The following ARHGAP29 variants were observed in gnomAD, a reference collection of about 807,000 sequenced individuals.
ARHGAP29 encodes the protein Rho GTPase activating protein 29.
In ARHGAP29, 43 loss-of-function variants were observed where a neutral mutation model predicts 122.6. That is an observed-to-expected ratio of 0.35 (90% CI 0.27 to 0.45). ARHGAP29 has a LOEUF of 0.45. Ranked by LOEUF, ARHGAP29 falls within the 20% of genes least tolerant of loss-of-function variation. ARHGAP29 has a pLI of 1.00. For synonymous variants in ARHGAP29, 506 were observed against 497.1 expected (o/e 1.02, Z -0.24); for missense variants, 1,303 against 1,477.2 (o/e 0.88, Z 1.93).
the ARHGAP29 span, among the ~76,000 whole-genome samples, chr1:94,286,317 T>C: frequency 4.6e-5 from 7 of 152,176 alleles, no homozygotes; most frequent in African/African-American, 7.2e-5. Flanking sequence ...CTTCAACATA[T>C]GAATTTGGGA....
chr1:94,237,917 C>G (rs957846691), upstream of ARHGAP29, among the ~76,000 whole-genome samples: 3 of 152,112 alleles, frequency 2.0e-5, no homozygotes, highest in African/African-American at 7.2e-5. Flanking sequence ...CGCCTTTTTC[C>G]TCCCTCTTCC....
intron 3 of ARHGAP29, among the ~76,000 whole-genome samples, chr1:94,216,388 T>C (rs901579378): frequency 6.6e-6 from 1 of 152,164 alleles, no homozygotes; most frequent in African/African-American, 2.4e-5. Context: ...CGCTACCATC[T>C]GTGCAAAAAG....
intron 21 of ARHGAP29, 60 bp from the exon 22 acceptor site, chr1:94,177,780 G>C: frequency 6.4e-7 from 1 of 1,558,520 alleles, no homozygotes; most frequent in Non-Finnish European, 8.7e-7. Flanking sequence ...AAAATAAACA[G>C]TTCAAAGATC....
chr1:94,226,557 T>C (rs1652624486), intron 2 of ARHGAP29, among the ~76,000 whole-genome samples: 1 of 151,922 alleles, frequency 6.6e-6, no homozygotes, highest in African/African-American at 2.4e-5. Flanking sequence ...TTGAAGAAAT[T>C]AAGCTTAATG....
chr1:94,196,078 T>A (rs1264656769), intron 12 of ARHGAP29: 1 of 152,054 alleles, frequency 6.6e-6, no homozygotes, highest in Non-Finnish European at 1.5e-5. Flanking sequence ...GTAGCAAAGG[T>A]AAATCATCAA....
At chr1:94,176,078 T>C (rs1013884604) in intron 22 of ARHGAP29, among the ~76,000 whole-genome samples, 1 of 152,092 alleles carries the variant, frequency 6.6e-6, no homozygotes, top group African/African-American at 2.4e-5. Context: ...TTCCTTGCAA[T>C]TGGACTCTAG....
At chr1:94,194,817 T>C (rs1650349954) in intron 12 of ARHGAP29, 1 of 152,226 alleles carries the variant, frequency 6.6e-6, no homozygotes, top group African/African-American at 2.4e-5. Flanking sequence ...GAATTTACAA[T>C]GCTAAATGAT....
Position 94,208,846 on chromosome 1 carries a change from A to G in ARHGAP29, c.496T>C (p.Ser166Pro). 6.2e-7 allele frequency: 1 copy of G among 1,614,036 alleles called. No individual in the cohort carries two copies. Among genetic ancestry groups the G allele is most frequent in the Non-Finnish European group, 8.5e-7 (1 of 1,179,928 alleles). Reference sequence around the variant, plus strand: ...ACTTAGCTTACCTTAGTTTCTCGAGAAACAGGCAGTCGCAATAATGAATCA... The same window carrying G: ...ACTTAGCTTACCTTAGTTTCTCGAGGAACAGGCAGTCGCAATAATGAATCA... ...GNDSLLRLPV[S>P]RETKSFENVS... The change falls in exon 5 of 23, where the codon TCT becomes CCT. Residue 166 changes from serine (S) to proline (P), a missense_variant. Physicochemically the swap from Ser to Pro is moderately conservative, Grantham distance 74. Transcript: ENST00000260526.
upstream of ARHGAP29, among the ~76,000 whole-genome samples, chr1:94,275,686 T>C (rs1655157724): frequency 6.6e-6 from 1 of 152,054 alleles, no homozygotes. Context: ...TGAGTTCCAG[T>C]TGGCAGATGT....
intron 1 of ARHGAP29, among the ~76,000 whole-genome samples, chr1:94,252,301 G>A (rs1215560138): frequency 6.6e-6 from 1 of 152,158 alleles, no homozygotes; most frequent in Non-Finnish European, 1.5e-5. Context: ...TTGGGTTTCT[G>A]GGCTCTGCTA....
intron 17 of ARHGAP29, 100 bp downstream of exon 17, chr1:94,185,242 A>T: frequency 7.4e-7 from 1 of 1,344,910 alleles, no homozygotes; most frequent in Non-Finnish European, 1.0e-6. Flanking sequence ...ACAATTTATT[A>T]AACATATATT....
chr1:94,191,010 A>T, intron 12 of ARHGAP29: 1 of 152,180 alleles, frequency 6.6e-6, no homozygotes, highest in East Asian at 1.9e-4. Context: ...CTTCATGGAG[A>T]TCAATCCAAA....
intron 12 of ARHGAP29, among the ~76,000 whole-genome samples, chr1:94,198,275 A>T (rs1347178614): frequency 6.6e-6 from 1 of 152,150 alleles, no homozygotes; most frequent in Admixed American, 6.5e-5. Context: ...CAGGAATTCA[A>T]CACCAGGTTG....
chr1:94,189,847 T>G, intron 13 of ARHGAP29, 79 bp downstream of exon 13: 5 of 1,405,766 alleles, frequency 3.6e-6, no homozygotes, highest in Non-Finnish European at 4.9e-6. Flanking sequence ...TAGAAAAGTC[T>G]CCTCCTTGTA....
chr1:94,178,186 A>G lies in ARHGAP29; in HGVS notation c.2481-19T>C. 4 of 1,592,496 alleles carry G rather than the reference A, an allele frequency of 2.5e-6. No homozygotes were observed. Among genetic ancestry groups the G allele is most frequent in the Non-Finnish European group, 3.4e-6 (4 of 1,169,168 alleles). ...TACTACCCTGCAAAGTAGAACACAT[A>G]AAGTTGTATGAGATTTTCCTATTAG... On this transcript the variant is annotated intron_variant, in intron 20 of 22. Transcript: ENST00000260526.
At chr1:94,221,319 CTTA>C (rs1417026395) in intron 2 of ARHGAP29, among the ~76,000 whole-genome samples, 1 of 152,052 alleles carries the variant, frequency 6.6e-6, no homozygotes, top group African/African-American at 2.4e-5. Flanking sequence ...GTACAGTACT[CTTA>C]TATAATCTTC....
At chr1:94,186,743 CAGGG>C in intron 15 of ARHGAP29, 146 bp from the exon 16 acceptor site, 1 of 603,294 alleles carries the variant, frequency 1.7e-6, no homozygotes, top group South Asian at 2.2e-5. Context: ...CTCTGGGTAA[CAGGG>C]AATTTTGATA....
intron 12 of ARHGAP29, among the ~76,000 whole-genome samples, chr1:94,200,581 G>A (rs898921122): frequency 2.6e-5 from 4 of 152,138 alleles, no homozygotes; most frequent in Admixed American, 1.3e-4. Context: ...TGTTCAACAA[G>A]AATGTATAAG....
At chr1:94,303,478 G>C in the ARHGAP29 span, among the ~76,000 whole-genome samples, 1 of 152,150 alleles carries the variant, frequency 6.6e-6, no homozygotes. Context: ...AAGTGTTCTG[G>C]AGATGGACGG....
Sources: gnomAD v4.1 joint callset for allele counts (sites outside exome capture counted in the v4.1 genomes callset) on GRCh38, gnomAD v4.1.1 for gene constraint, MANE v1.5 for transcripts, NCBI Gene and HGNC (gene_info 2026-07-23, HGNC 2026-07-21) for gene names.